Variants in GON4L observed in about 807,000 individuals in gnomAD.
GON4L encodes gon-4 like.
A neutral mutation model predicts 211.8 loss-of-function variants in GON4L; 87 were observed. The observed-to-expected ratio is 0.41, with a 90% CI of 0.35 to 0.49. The LOEUF is 0.49. Ranked by LOEUF, GON4L falls within the 20% of genes least tolerant of loss-of-function variation. GON4L has a pLI of 0.15. For missense variants in GON4L, 2,155 were observed against 2,659.5 expected (o/e 0.81, Z 4.17); for synonymous variants, 875 against 962.6 (o/e 0.91, Z 1.68).
intron 12 of GON4L, among the ~76,000 whole-genome samples, chr1:155,785,769 C>A (rs376313291): frequency 1.3e-5 from 2 of 152,244 alleles, no homozygotes; most frequent in East Asian, 3.9e-4. Flanking sequence ...GTGTGAGCCA[C>A]CATGACTGGC....
intron 12 of GON4L, among the ~76,000 whole-genome samples, chr1:155,792,985 T>TG (rs1387576864): frequency 2.0e-5 from 3 of 152,112 alleles, no homozygotes; most frequent in African/African-American, 7.2e-5. Context: ...AGGCTGGTCT[T>TG]GAACTCCTGG....
Position 155,820,519 on chromosome 1 carries a change from A to G in GON4L, c.1014+87T>C, listed in dbSNP as rs1005657618. 3.1e-5 allele frequency: 27 copies of G among 883,738 alleles called. No individual in the cohort carries two copies. The Admixed American group carries it at 4.4e-4, about 14-fold the overall frequency. The allele number at this position is 883,738 out of a possible 1,614,324, so 54.7% of individuals were successfully genotyped here. ...TTTAAAGAGGCAAATTCAGACCACA[A>G]TCTTTCCTATATTTTTCCCTATGGG... On this transcript the variant is annotated intron_variant, in intron 6 of 31. Transcript: ENST00000368331.
Position 155,765,620 on chromosome 1 carries a change from T to C in GON4L, c.3853A>G (p.Asn1285Asp). The change falls in exon 21 of 32, where the codon AAT becomes GAT. Residue 1285 changes from asparagine to aspartate, a missense_variant. Around this residue, in one of 6 missense-constraint regions of GON4L, gnomAD observed 615 missense variants for 625.7 expected, o/e 0.98. Coordinates refer to ENST00000368331, the MANE Select transcript of GON4L (RefSeq NM_001282860.2). ...ACAACGGTCCAGCGACAGGCACTATTCTCTGACAATCCTTCTTGGCACTCT... is the reference window on the plus strand; with the variant it reads ...ACAACGGTCCAGCGACAGGCACTATCCTCTGACAATCCTTCTTGGCACTCT... ...DAECQEGLSE[N>D]SACRWTVVKT... 1.2e-6 allele frequency: 2 copies of C among 1,614,166 alleles called. No homozygotes were observed. Among genetic ancestry groups the C allele is most frequent in the Non-Finnish European group, 1.7e-6 (2 of 1,180,032 alleles).
chr1:155,820,159 C>G (rs970095229), intron 6 of GON4L, among the ~76,000 whole-genome samples: 4 of 152,158 alleles, frequency 2.6e-5, no homozygotes, highest in African/African-American at 9.7e-5. Context: ...AGTGATCCAT[C>G]TGCCTCGGCC....
At chr1:155,764,509 G>A (rs1255944069) in intron 21 of GON4L, 5 of 275,548 alleles carry the variant, frequency 1.8e-5, no homozygotes, top group Admixed American at 5.0e-5. Context: ...ACGTGATCTC[G>A]GCTCACTGCA....
Position 155,815,794 on chromosome 1 carries a change from CAT to C in GON4L, c.1161+9_1161+10del. ...TATTAAGACAAATATTACCAACTAACATTCACTGACCTCTTCAGCAGTTTCAT... is the reference window on the plus strand; with the variant it reads ...TATTAAGACAAATATTACCAACTAACTCACTGACCTCTTCAGCAGTTTCAT... On this transcript the variant is annotated intron_variant, in intron 8 of 31. Transcript: ENST00000368331. The C allele has an allele frequency of 6.8e-7, 1 of 1,475,080 alleles. No individual in the cohort carries two copies. The highest frequency in any genetic ancestry group is 9.5e-7 in the Non-Finnish European group (1 of 1,053,216). 91.4% of individuals were successfully genotyped at this position (1,475,080 alleles called of 1,614,324 possible).
At chr1:155,793,038 C>T (rs566464124) in intron 12 of GON4L, among the ~76,000 whole-genome samples, 1 of 152,218 alleles carries the variant, frequency 6.6e-6, no homozygotes, top group East Asian at 1.9e-4. Flanking sequence ...TCCCAAGTGC[C>T]GGGATTATAG....
In GON4L at chr1:155,765,917, T is replaced by C. The variant is rs749306431; in HGVS notation, c.3556A>G (p.Asn1186Asp). Residue 1186 changes from asparagine to aspartate, a missense_variant, in exon 21 of 32, where the codon AAC (asparagine) becomes GAC (aspartate). Asn to Asp is a conservative substitution (Grantham distance 23). Around this residue, in one of 6 missense-constraint regions of GON4L, gnomAD observed 615 missense variants for 625.7 expected, o/e 0.98. Transcript: ENST00000368331. ...QTIPITTLLVNPTSFPCPLNQ... is the reference protein window; with the variant it reads ...QTIPITTLLVDPTSFPCPLNQ... ...AATGGACAGGGGAAGGAAGTAGGGT[T>C]AACCAAGAGGGTAGTGATGGGAATA... The C allele has an allele frequency of 6.2e-7, 1 of 1,614,130 alleles. No homozygotes were observed. The highest frequency in any genetic ancestry group is 1.3e-5 in the African/African-American group (1 of 75,026).
chr1:155,783,785 C>A (rs1226379016), intron 14 of GON4L, among the ~76,000 whole-genome samples: 2 of 152,194 alleles, frequency 1.3e-5, no homozygotes, highest in Non-Finnish European at 2.9e-5. Flanking sequence ...CCTTCCCAAA[C>A]GGATATAGCT....
At chr1:155,761,922 C>G (rs1015912572) in intron 23 of GON4L, among the ~76,000 whole-genome samples, 1 of 152,196 alleles carries the variant, frequency 6.6e-6, no homozygotes, top group African/African-American at 2.4e-5. Flanking sequence ...GTCACAACCT[C>G]CCACTGATGA....
intron 10 of GON4L, among the ~76,000 whole-genome samples, chr1:155,813,226 G>T (rs924508637): frequency 6.6e-6 from 1 of 152,148 alleles, no homozygotes; most frequent in African/African-American, 2.4e-5. Context: ...GAGCCCAGGA[G>T]TTCAATACCA....
At chr1:155,831,169 C>T (rs1046352917) in intron 2 of GON4L, among the ~76,000 whole-genome samples, 1 of 152,012 alleles carries the variant, frequency 6.6e-6, no homozygotes, top group Non-Finnish European at 1.5e-5. Context: ...CATGGTGGTG[C>T]ACACCTGTAG....
At position 155,760,377 on chromosome 1, in the gene GON4L, C is replaced by G. The variant is rs1227249059; in HGVS notation, c.5109+67G>C. On this transcript the variant is annotated intron_variant, in intron 24 of 31. Coordinates refer to ENST00000368331, the MANE Select transcript of GON4L (RefSeq NM_001282860.2). ...GGGAGACTGAAAGAGTCTTATTCAA[C>G]CCCATTCAATCCCAGTCTCACTCTG... 36 of 969,748 alleles carry G rather than the reference C, an allele frequency of 3.7e-5. No homozygotes were observed. In the South Asian group the frequency reaches 4.7e-4, roughly 13 times the overall value. The allele number at this position is 969,748 out of a possible 1,614,324, so 60.1% of individuals were successfully genotyped here. A position where few individuals can be genotyped will look rare whatever the true frequency, so the allele number is the denominator to read the frequency against.
At position 155,776,478 on chromosome 1, in the gene GON4L, C is replaced by G; in HGVS notation, c.2095G>C (p.Val699Leu). Residue 699 changes from valine (V) to leucine (L), a missense_variant, in exon 16 of 32, where the codon GTT (valine) becomes CTT (leucine). By Grantham distance (32) the Val-to-Leu change is conservative. Coordinates refer to ENST00000368331, the MANE Select transcript of GON4L (RefSeq NM_001282860.2). ...AGGTGGATTTGGGTCAAGAGCTGAA[C>G]GTGCTGGGGATGGAAAGAAAATGAT... Reference protein sequence around the residue: ...KRLQQQMQQHVQLLTQIHLLA... With the variant: ...KRLQQQMQQHLQLLTQIHLLA... The G allele has an allele frequency of 6.2e-7, 1 of 1,609,092 alleles. No homozygotes were observed. Among genetic ancestry groups the G allele is most frequent in the Non-Finnish European group, 8.5e-7 (1 of 1,175,842 alleles).
At chr1:155,815,157 T>C (rs1211158591) in intron 8 of GON4L, among the ~76,000 whole-genome samples, 1 of 151,956 alleles carries the variant, frequency 6.6e-6, no homozygotes, top group Non-Finnish European at 1.5e-5. Flanking sequence ...CTAATCTGCA[T>C]TACAAAGTGT....
intron 19 of GON4L, among the ~76,000 whole-genome samples, chr1:155,768,023 T>C (rs1662723082): frequency 6.6e-6 from 1 of 152,004 alleles, no homozygotes; most frequent in African/African-American, 2.4e-5. Flanking sequence ...TAAGAGTAAA[T>C]GAAGGTTGGG....
chr1:155,826,853 T>C lies in GON4L; in HGVS notation c.681A>G (p.Gly227=). The C allele has an allele frequency of 6.2e-7, 1 of 1,609,784 alleles. No homozygotes were observed. The highest frequency in any genetic ancestry group is 1.1e-5 in the South Asian group (1 of 90,956). ...HQPEEEIEDG[G]LFIPMEEQDN... Reference sequence around the variant, plus strand: ...AAAGCCTACCCATTGGAATGAAGAGTCCACCATCTTCTATCTCTTCCTCAG... The same window carrying C: ...AAAGCCTACCCATTGGAATGAAGAGCCCACCATCTTCTATCTCTTCCTCAG... Residue 227 remains glycine (G), a synonymous_variant, in exon 3 of 32, where the codon GGA becomes GGG. Transcript: ENST00000368331.
intron 2 of GON4L, chr1:155,846,083 A>G: frequency 4.4e-6 from 1 of 226,112 alleles, no homozygotes. Context: ...GCCAGTCATT[A>G]GCCTATAGGA....
At chr1:155,854,857 G>A (rs1293431794) in intron 1 of GON4L, among the ~76,000 whole-genome samples, 2 of 152,086 alleles carry the variant, frequency 1.3e-5, no homozygotes, top group Non-Finnish European at 2.9e-5. Flanking sequence ...TCAACATGGA[G>A]AAACCCTGTC....
Sources: gnomAD v4.1 joint callset for allele counts (sites outside exome capture counted in the v4.1 genomes callset) on GRCh38, gnomAD v4.1.1 for gene constraint, gnomAD v4.1.1 regional missense constraint, MANE v1.5 for transcripts, NCBI Gene and HGNC (gene_info 2026-07-23, HGNC 2026-07-21) for gene names.